The following SF1 variants were observed in gnomAD, a reference collection of about 807,000 sequenced individuals.
SF1 encodes the protein branch point-binding protein.
In SF1, 7 loss-of-function variants were observed where a neutral mutation model predicts 62.5. That is an observed-to-expected ratio of 0.11 (90% CI 0.06 to 0.21). The LOEUF (loss-of-function observed/expected upper bound fraction) is 0.21, where lower values mean the gene tolerates loss of function less well. Ranked by LOEUF, SF1 falls within the 10% of genes least tolerant of loss-of-function variation. The pLI is 1.00. For missense variants in SF1, 578 were observed against 884.0 expected (o/e 0.65, Z 4.39); for synonymous variants, 394 against 323.6 (o/e 1.22, Z -2.33).
At chr11:64,772,749 C>A in intron 3 of SF1, 1 of 985,206 alleles carries the variant, frequency 1.0e-6, no homozygotes, top group Non-Finnish European at 1.2e-6. Context: ...GTGAGAGAAA[C>A]TGCAAACTGA....
intron 1 of SF1, chr11:64,777,811 G>A (rs1201439024): frequency 2.1e-6 from 2 of 969,386 alleles, no homozygotes; most frequent in Non-Finnish European, 2.4e-6. Context: ...CAGCGCGCGT[G>A]CGCACTCGAG....
At position 64,765,448 on chromosome 11, in the gene SF1, G is replaced by A. The variant is rs1172665724; in HGVS notation, c.*370C>T. Reference sequence around the variant, plus strand: ...GGGCGTTGCTGAGGCTGTCTGCCTGGAAGGGTCACCAATGGGCGCGGAAAG... The same window carrying A: ...GGGCGTTGCTGAGGCTGTCTGCCTGAAAGGGTCACCAATGGGCGCGGAAAG... On this transcript the variant is annotated 3_prime_UTR_variant, in exon 13 of 13. Transcript: ENST00000377390. 4 of 1,607,628 alleles carry A rather than the reference G, an allele frequency of 2.5e-6. No individual in the cohort carries two copies. Among genetic ancestry groups the A allele is most frequent in the Non-Finnish European group, 3.4e-6 (4 of 1,174,362 alleles).
chr11:64,770,218 T>G, intron 4 of SF1, 38 bp downstream of exon 4: 1 of 1,604,968 alleles, frequency 6.2e-7, no homozygotes, highest in Non-Finnish European at 8.5e-7. Flanking sequence ...ATGATCTGCA[T>G]GTGTCTTCAT....
intron 12 of SF1, 36 bp downstream of exon 12, chr11:64,766,864 C>CCCCCCCCCCCCCCCCCAA: frequency 1.8e-6 from 1 of 559,194 alleles, no homozygotes; most frequent in Non-Finnish European, 2.9e-6. Flanking sequence ...CACCCCCATC[C>CCCCCCCCCCCCCCCCCAA]CACCCACCCC....
chr11:64,768,356 G>A (rs1331888305), intron 8 of SF1, 70 bp from the exon 9 acceptor site: 2 of 1,435,430 alleles, frequency 1.4e-6, no homozygotes, highest in Admixed American at 2.0e-5. Flanking sequence ...TTTATCCTGA[G>A]GAACCAACAT....
At chr11:64,769,797 G>C in intron 5 of SF1, 167 bp downstream of exon 5, 1 of 725,730 alleles carries the variant, frequency 1.4e-6, no homozygotes, top group South Asian at 1.8e-5. Flanking sequence ...CTCCGCACTA[G>C]TGGGGAAGTT....
intron 2 of SF1, among the ~76,000 whole-genome samples, chr11:64,774,081 ACT>A (rs528031688): frequency 4.0e-4 from 61 of 152,232 alleles, no homozygotes; most frequent in Non-Finnish European, 6.3e-4. Flanking sequence ...ATTTGTACAT[ACT>A]CTTTCTGTAC....
intron 12 of SF1, chr11:64,766,631 G>A: frequency 2.3e-6 from 1 of 434,170 alleles, no homozygotes; most frequent in Non-Finnish European, 4.1e-6. Context: ...CAGCCTGCGA[G>A]GGTCTGGACT....
rs779002649 is a variant in SF1 at position 64,767,660 on chromosome 11, T to C, written c.1253A>G (p.Asn418Ser). The change falls in exon 10 of 13, where the codon AAT (asparagine) becomes AGT (serine). Residue 418 changes from asparagine (N) to serine (S), a missense_variant. Physicochemically the swap from Asn to Ser is conservative, Grantham distance 46 (BLOSUM62 1). This residue lies in a region of SF1 where 410 missense variants were observed against 452.4 expected (regional missense o/e 0.91). Transcript: ENST00000377390. ...CTGCATCCAAGGGGGTGGGGGTCCA[T>C]TGGGGTTGTGCTGCATGGGATGTCC... ...HGGHPMQHNP[N>S]GPPPPWMQPP... is the part of the protein sequence containing the mutation. 5.6e-5 allele frequency: 90 copies of C among 1,603,124 alleles called. No homozygotes were observed. Among genetic ancestry groups the C allele is most frequent in the East Asian group, 2.5e-4 (11 of 44,576 alleles).
chr11:64,777,880 G>C (rs1228823758), intron 1 of SF1: 13 of 934,106 alleles, frequency 1.4e-5, no homozygotes, highest in African/African-American at 1.8e-5. Context: ...CCCCGTGCGC[G>C]CACGCGCGCC....
chr11:64,769,369 T>C (rs1483474870), intron 6 of SF1, 31 bp from the exon 7 acceptor site: 9 of 1,613,650 alleles, frequency 5.6e-6, no homozygotes, highest in Non-Finnish European at 6.8e-6. Flanking sequence ...AGTTAAGTGC[T>C]TAGGGCCTCC....
intron 1 of SF1, chr11:64,778,157 G>A (rs1167208963): frequency 5.8e-6 from 5 of 866,774 alleles, no homozygotes; most frequent in African/African-American, 1.8e-5. Flanking sequence ...CTGCTGGGGA[G>A]GCGGAGGGGG....
intron 4 of SF1, 68 bp from the exon 5 acceptor site, chr11:64,770,121 C>T: frequency 1.3e-6 from 2 of 1,566,262 alleles, no homozygotes; most frequent in East Asian, 4.5e-5. Flanking sequence ...TTTTCTAAAA[C>T]CAAATATTGG....
In SF1 at chr11:64,772,320, AT is replaced by A; in HGVS notation, c.236+1109del. 35 of 984,026 alleles carry A rather than the reference AT, an allele frequency of 3.6e-5. No homozygotes were observed. The South Asian group carries it at 6.2e-4, about 17-fold the overall frequency. The allele number at this position is 984,026 out of a possible 1,614,324, so 61.0% of individuals were successfully genotyped here. A position where few individuals can be genotyped will look rare whatever the true frequency, so the allele number is the denominator to read the frequency against. On this transcript the variant is annotated intron_variant, in intron 3 of 12. Transcript: ENST00000377390. ...TTGTGGTCTATGACCTACAATGTAA[AT>A]TTAAAAAAAAAAAAAATCTTCAAAA...
intron 1 of SF1, chr11:64,777,807 G>T: frequency 1.3e-6 from 1 of 774,064 alleles, no homozygotes; most frequent in Non-Finnish European, 1.5e-6. Flanking sequence ...CCCACAGCGC[G>T]CGTGCGCACT....
chr11:64,778,263 C>G, intron 1 of SF1, 99 bp downstream of exon 1: 1 of 1,203,914 alleles, frequency 8.3e-7, no homozygotes, highest in Non-Finnish European at 1.0e-6. Context: ...GGCCCGGGAG[C>G]CAGCAGCCCC....
At chr11:64,771,599 AT>A in intron 3 of SF1, 1 of 985,460 alleles carries the variant, frequency 1.0e-6, no homozygotes, top group Non-Finnish European at 1.2e-6. Context: ...AGGTTTGTTC[AT>A]GGCTAATGAC....
At chr11:64,778,116 C>T in intron 1 of SF1, 3 of 816,940 alleles carry the variant, frequency 3.7e-6, no homozygotes, top group Non-Finnish European at 4.5e-6. Flanking sequence ...TACGAGGCGC[C>T]GGGGGACGGT....
At chr11:64,766,838 T>G in intron 12 of SF1, 62 bp downstream of exon 12, 1 of 1,319,778 alleles carries the variant, frequency 7.6e-7, no homozygotes, top group Non-Finnish European at 1.0e-6. Context: ...TGAGGCTCTA[T>G]GGTTCCTGTC....
Sources: allele counts gnomAD v4.1 joint callset (sites outside exome capture counted in the v4.1 genomes callset), GRCh38; gene constraint gnomAD v4.1.1; regional missense constraint gnomAD v4.1.1; transcripts MANE v1.5; gene names NCBI Gene and HGNC (gene_info 2026-07-23, HGNC 2026-07-21).